The following CD8A variants were observed in gnomAD, a reference collection of about 807,000 sequenced individuals.
CD8A encodes CD8 subunit alpha.
Under a neutral mutation model 24.2 loss-of-function variants are expected in CD8A, and 25 were observed. The ratio of observed to expected loss-of-function variants is 1.03; its 90% confidence interval spans 0.75 to 1.44. The LOEUF is 1.44. Among genes scored for constraint, CD8A ranks in the 40% most tolerant of loss-of-function variants. The pLI, the probability that CD8A is intolerant of heterozygous loss-of-function variation, is 0.00. For synonymous variants in CD8A, 165 were observed against 149.9 expected, an observed-to-expected ratio of 1.10 and a Z score of -0.74; for missense variants, 360 against 319.7, an observed-to-expected ratio of 1.13 and a Z score of -0.96.
chr2:86,785,887 A>G lies in CD8A; in HGVS notation c.*33T>C. 13 of 1,515,262 alleles carry G rather than the reference A, an allele frequency of 8.6e-6. No homozygotes were observed. Among genetic ancestry groups the G allele is most frequent in the Admixed American group, 3.3e-5 (2 of 59,908 alleles). 93.9% of individuals were successfully genotyped at this position (1,515,262 alleles called of 1,614,324 possible). On this transcript the variant is annotated 3_prime_UTR_variant, in exon 6 of 6. Transcript: ENST00000283635. ...TTGCTCCCTCAAAAGGAAGGATCTC[A>G]GTTTGAAGTAATGTAGTGGCTGTTG...
At chr2:86,789,812 G>A (rs1573460523) in intron 2 of CD8A, 62 bp from the exon 3 acceptor site, 7 of 855,600 alleles carry the variant, frequency 8.2e-6, no homozygotes, top group Non-Finnish European at 1.1e-5. Context: ...CCCCAGCCCC[G>A]GCCTCGCGCA....
At position 86,789,332 on chromosome 2, in the gene CD8A, A is replaced by G. The variant is rs757521668; in HGVS notation, c.616T>C (p.Cys206Arg). The G allele has an allele frequency of 6.2e-7, 1 of 1,603,198 alleles. No individual in the cohort carries two copies. Among genetic ancestry groups the G allele is most frequent in the South Asian group, 1.1e-5 (1 of 90,894 alleles). The change falls in exon 4 of 6, where the codon TGC becomes CGC. Residue 206 changes from cysteine to arginine, a missense_variant. Cys to Arg is a radical substitution (Grantham distance 180). Coordinates refer to ENST00000283635, the MANE Select transcript of CD8A (RefSeq NM_001768.7). ...ATTCCTCGGGACTTACTGTGGTTGC[A>G]GTAAAGGGTGATAACCAGTGACAGG... ...LLLSLVITLY[C>R]NHRNRRRVCK...
At chr2:86,801,191 G>C (rs1673659717) in intron 3 of CD8A, among the ~76,000 whole-genome samples, 1 of 152,120 alleles carries the variant, frequency 6.6e-6, no homozygotes, top group South Asian at 2.1e-4. Flanking sequence ...GTGGTACTTT[G>C]TTAAAACAGC....
chr2:86,793,750 G>A (rs1204574426), upstream of CD8A, among the ~76,000 whole-genome samples: 2 of 152,234 alleles, frequency 1.3e-5, no homozygotes, highest in Non-Finnish European at 1.5e-5. Flanking sequence ...AGGCCCCTGA[G>A]TGTGATGATG....
chr2:86,784,737 G>C lies in CD8A; in HGVS notation c.*1183C>G. 2.2e-6 allele frequency: 1 copy of C among 453,908 alleles called. No individual in the cohort carries two copies. The highest frequency in any genetic ancestry group is 4.4e-6 in the Non-Finnish European group (1 of 226,656). 28.1% of individuals were successfully genotyped at this position (453,908 alleles called of 1,614,324 possible). On this transcript the variant is annotated 3_prime_UTR_variant, in exon 6 of 6. Transcript: ENST00000283635. ...TGTATGTGTAGAAAATAATCAGGAAGAATGTACACCATATTAACAGGAGAT... is the reference window on the plus strand; with the variant it reads ...TGTATGTGTAGAAAATAATCAGGAACAATGTACACCATATTAACAGGAGAT...
chr2:86,799,115 G>A (rs1673578006), intron 3 of CD8A, among the ~76,000 whole-genome samples: 1 of 152,110 alleles, frequency 6.6e-6, no homozygotes, highest in Non-Finnish European at 1.5e-5. Context: ...AGTATATGGA[G>A]GCTGTCCTTG....
rs776678633 is a variant in CD8A at position 86,789,769 on chromosome 2, G to A, written c.404-19C>T. ...GGCTTCGCTGCAAGAGCAACAGAGC[G>A]TGGTTGGGGGCCAGGCTGGGGTTAT... On this transcript the variant is annotated intron_variant, in intron 2 of 5. Transcript: ENST00000283635. 1.3e-5 allele frequency: 17 copies of A among 1,323,928 alleles called. No individual in the cohort carries two copies. The highest frequency in any genetic ancestry group is 3.0e-5 in the East Asian group (1 of 33,346). The allele number at this position is 1,323,928 out of a possible 1,614,324, so 82.0% of individuals were successfully genotyped here. A position where few individuals can be genotyped will look rare whatever the true frequency, so the allele number is the denominator to read the frequency against.
At chr2:86,805,945 CTTT>C (rs940871411) in intron 2 of CD8A, among the ~76,000 whole-genome samples, 1 of 149,164 alleles carries the variant, frequency 6.7e-6, no homozygotes, top group African/African-American at 2.6e-5. Context: ...CTCTCTCTTT[CTTT>C]TTCTTTTTCT....
chr2:86,806,954 T>C (rs909692087), intron 2 of CD8A, among the ~76,000 whole-genome samples: 4 of 150,718 alleles, frequency 2.7e-5, no homozygotes, highest in African/African-American at 9.7e-5. Flanking sequence ...GAGAGAGACC[T>C]AGAGAGAAAT....
At chr2:86,799,150 T>C (rs975233553) in intron 3 of CD8A, among the ~76,000 whole-genome samples, 4 of 152,172 alleles carry the variant, frequency 2.6e-5, no homozygotes, top group Admixed American at 6.5e-5. Flanking sequence ...TTTAAGGAAA[T>C]TGTTTTCCAG....
intron 1 of CD8A, chr2:86,807,893 A>C (rs1673970026): frequency 6.5e-6 from 1 of 154,080 alleles, no homozygotes; most frequent in South Asian, 2.0e-4. Flanking sequence ...GATGTCAGAC[A>C]AGAAACGGCA....
At chr2:86,807,952 C>T (rs927203423) in intron 1 of CD8A, among the ~76,000 whole-genome samples, 1 of 152,114 alleles carries the variant, frequency 6.6e-6, no homozygotes, top group East Asian at 1.9e-4. Context: ...GAGACAGGGT[C>T]TGCTGTAGAG....
At position 86,789,642 on chromosome 2, in the gene CD8A, G is replaced by A. The variant is rs1467040863; in HGVS notation, c.512C>T (p.Ala171Val). 1 of 1,481,870 alleles carries A rather than the reference G, an allele frequency of 6.7e-7. No individual in the cohort carries two copies. Among genetic ancestry groups the A allele is most frequent in the Non-Finnish European group, 8.9e-7 (1 of 1,119,848 alleles). 91.8% of individuals were successfully genotyped at this position (1,481,870 alleles called of 1,614,324 possible). Reference protein sequence around the residue: ...PEACRPAAGGAVHTRGLDFAC... With the variant: ...PEACRPAAGGVVHTRGLDFAC... ...CCCCGGGCCCCCGCACGCCTCACCTGCGCCCCCCGCCGCTGGCCGGCACGC... is the reference window on the plus strand; with the variant it reads ...CCCCGGGCCCCCGCACGCCTCACCTACGCCCCCCGCCGCTGGCCGGCACGC... The change falls in exon 3 of 6, where the codon GCA (alanine) becomes GTA (valine). Residue 171 changes from alanine to valine, a missense_variant and splice_region_variant. Coordinates refer to ENST00000283635, the MANE Select transcript of CD8A (RefSeq NM_001768.7).
chr2:86,805,923 CTTTCTT>C (rs1361986760), intron 2 of CD8A, among the ~76,000 whole-genome samples: 1 of 150,898 alleles, frequency 6.6e-6, no homozygotes, highest in African/African-American at 2.5e-5. Context: ...GTTTCTTTTT[CTTTCTT>C]TCTCTCTCTC....
chr2:86,785,752 C>A lies in CD8A; in HGVS notation c.*168G>T. 2 of 770,886 alleles carry A rather than the reference C, an allele frequency of 2.6e-6. No homozygotes were observed. Among genetic ancestry groups the A allele is most frequent in the Non-Finnish European group, 4.8e-6 (2 of 417,362 alleles). 47.8% of individuals were successfully genotyped at this position (770,886 alleles called of 1,614,324 possible). On this transcript the variant is annotated 3_prime_UTR_variant, in exon 6 of 6. Transcript: ENST00000283635. ...GTAGATTTTACCTAGTTTTGTTTCC[C>A]GTCAAACACATAAAGAAAAAGTAAT...
chr2:86,796,109 G>C (rs1398492591), intron 3 of CD8A, among the ~76,000 whole-genome samples: 3 of 152,238 alleles, frequency 2.0e-5, no homozygotes, highest in Non-Finnish European at 4.4e-5. Flanking sequence ...ATATACTCTA[G>C]GTTGGACATA....
chr2:86,800,188 G>A (rs189869459), intron 3 of CD8A, among the ~76,000 whole-genome samples: 37 of 152,068 alleles, frequency 2.4e-4, no homozygotes, highest in Admixed American at 1.8e-3. Context: ...GGCCAGGTGC[G>A]GTGGCTCATG....
chr2:86,786,407 A>G (rs1230602197), intron 5 of CD8A, among the ~76,000 whole-genome samples: 1 of 152,206 alleles, frequency 6.6e-6, no homozygotes, highest in African/African-American at 2.4e-5. Flanking sequence ...CACCACCATC[A>G]GCCAAATGAT....
intron 3 of CD8A, among the ~76,000 whole-genome samples, chr2:86,795,958 G>A (rs1035370165): frequency 1.3e-5 from 2 of 152,110 alleles, no homozygotes; most frequent in African/African-American, 4.8e-5. Flanking sequence ...CTTCCAAAAA[G>A]AGGCAAATTA....
Sources: gnomAD v4.1 joint callset for allele counts (sites outside exome capture counted in the v4.1 genomes callset) on GRCh38, gnomAD v4.1.1 for gene constraint, MANE v1.5 for transcripts, NCBI Gene and HGNC (gene_info 2026-07-23, HGNC 2026-07-21) for gene names.